The following STAMBPL1 variants were observed in gnomAD, a reference collection of about 807,000 sequenced individuals.
STAMBPL1 encodes AMSH-like protease.
A neutral mutation model predicts 52.9 loss-of-function variants in STAMBPL1; 44 were observed. That is an observed-to-expected ratio of 0.83 (90% CI 0.65 to 1.07). The LOEUF (loss-of-function observed/expected upper bound fraction) is 1.07. Among genes scored for constraint, STAMBPL1 ranks in the 50% least tolerant of loss-of-function variants. The pLI, the probability that STAMBPL1 is intolerant of heterozygous loss-of-function variation, is 0.00. For missense variants in STAMBPL1, 511 were observed against 520.8 expected (o/e 0.98, Z 0.18); for synonymous variants, 164 against 177.3 (o/e 0.92, Z 0.60).
At chr10:88,896,087 C>T (rs1212493743) in intron 1 of STAMBPL1, among the ~76,000 whole-genome samples, 1 of 152,050 alleles carries the variant, frequency 6.6e-6, no homozygotes, top group Non-Finnish European at 1.5e-5. Flanking sequence ...ATATATAGTA[C>T]TTACAAATAT....
At chr10:88,896,629 A>G (rs750742915) in intron 1 of STAMBPL1, among the ~76,000 whole-genome samples, 3 of 152,166 alleles carry the variant, frequency 2.0e-5, no homozygotes, top group Non-Finnish European at 4.4e-5. Flanking sequence ...GGCCACACCT[A>G]CTTATCCAGG....
At chr10:88,882,043 A>G (rs1844418573) in intron 1 of STAMBPL1, 1 of 152,214 alleles carries the variant, frequency 6.6e-6, no homozygotes, top group South Asian at 2.1e-4. Context: ...GCCACTAAGA[A>G]TCTGCTTTTG....
chr10:88,914,792 C>T, intron 7 of STAMBPL1, 134 bp downstream of exon 7: 1 of 317,460 alleles, frequency 3.1e-6, no homozygotes, highest in African/African-American at 2.2e-5. Context: ...ATTAACGTTA[C>T]ACAGATTAAC....
At chr10:88,916,535 C>A in intron 7 of STAMBPL1, 145 bp from the exon 8 acceptor site, 11 of 312,684 alleles carry the variant, frequency 3.5e-5, no homozygotes, top group East Asian at 7.0e-5. Flanking sequence ...TGTCCAGGTA[C>A]AGGGAGGGAT....
At chr10:88,896,736 G>T (rs1443538601) in intron 1 of STAMBPL1, among the ~76,000 whole-genome samples, 1 of 152,110 alleles carries the variant, frequency 6.6e-6, no homozygotes, top group African/African-American at 2.4e-5. Flanking sequence ...AGTCTCTTAG[G>T]AGACCGTTCA....
intron 5 of STAMBPL1, chr10:88,912,782 A>G (rs1845259984): frequency 4.3e-6 from 1 of 233,236 alleles, no homozygotes; most frequent in Non-Finnish European, 8.3e-6. Context: ...TTTGTTTCAT[A>G]TGGTCTTGTT....
chr10:88,913,510 C>T (rs1430922454), intron 6 of STAMBPL1, 52 bp downstream of exon 6: 4 of 1,468,564 alleles, frequency 2.7e-6, no homozygotes, highest in Admixed American at 1.9e-5. Context: ...CGGATGGAAC[C>T]ATATTTCTAT....
chr10:88,916,546 G>T, intron 7 of STAMBPL1, 134 bp from the exon 8 acceptor site: 2 of 436,518 alleles, frequency 4.6e-6, no homozygotes, highest in Non-Finnish European at 7.1e-6. Flanking sequence ...AGGGAGGGAT[G>T]ATGTAAGTGG....
At chr10:88,892,336 CTGTG>C (rs1258362261) in intron 1 of STAMBPL1, among the ~76,000 whole-genome samples, 1 of 139,534 alleles carries the variant, frequency 7.2e-6, no homozygotes, top group East Asian at 2.4e-4. Context: ...GTGTATGTGT[CTGTG>C]TGTGTGCGTG....
intron 1 of STAMBPL1, among the ~76,000 whole-genome samples, chr10:88,898,511 A>AG (rs1844866708): frequency 6.6e-6 from 1 of 152,234 alleles, no homozygotes; most frequent in Non-Finnish European, 1.5e-5. Flanking sequence ...GAATTAAGAC[A>AG]GGACCATCAG....
intron 1 of STAMBPL1, chr10:88,882,601 G>C (rs1844433798): frequency 6.6e-6 from 1 of 152,230 alleles, no homozygotes; most frequent in Admixed American, 6.5e-5. Context: ...ATTCCGTCCA[G>C]GAAGTGCTAG....
chr10:88,901,720 T>A lies in STAMBPL1; in HGVS notation c.12T>A (p.Pro4=). The A allele has an allele frequency of 6.2e-7, 1 of 1,611,968 alleles. No individual in the cohort carries two copies. ...ACAGATAAGACAACATGGATCAGCC[T>A]TTTACTGTGAATTCTCTGGTAGGTC... MDQ[P]FTVNSLKKLA... is the part of the protein sequence containing the mutation. The change falls in exon 2 of 11, where the codon CCT becomes CCA. Residue 4 remains proline, a synonymous_variant. Transcript: ENST00000371926.
At chr10:88,910,660 G>A (rs1845197446) in intron 4 of STAMBPL1, among the ~76,000 whole-genome samples, 1 of 152,154 alleles carries the variant, frequency 6.6e-6, no homozygotes, top group Non-Finnish European at 1.5e-5. Context: ...ACATTTTATA[G>A]CATTGGGCTA....
chr10:88,911,592 A>G (rs1845226247), intron 5 of STAMBPL1, among the ~76,000 whole-genome samples: 1 of 152,156 alleles, frequency 6.6e-6, no homozygotes, highest in Admixed American at 6.5e-5. Flanking sequence ...CAGTGAATGT[A>G]TGGGATACTC....
intron 6 of STAMBPL1, 55 bp from the exon 7 acceptor site, chr10:88,914,478 GA>G: frequency 7.4e-7 from 1 of 1,342,536 alleles, no homozygotes; most frequent in Non-Finnish European, 9.7e-7. Flanking sequence ...TAACAATTTT[GA>G]AAGATGGGAC....
At chr10:88,912,941 C>CT (rs1233106935) in intron 5 of STAMBPL1, 160 bp from the exon 6 acceptor site, 1 of 690,164 alleles carries the variant, frequency 1.4e-6, no homozygotes, top group Non-Finnish European at 2.5e-6. Context: ...GGCTTTTGCC[C>CT]TGATGTTATG....
At chr10:88,882,801 G>T (rs1011493963) in intron 1 of STAMBPL1, 1 of 152,162 alleles carries the variant, frequency 6.6e-6, no homozygotes, top group African/African-American at 2.4e-5. Flanking sequence ...ATTCCTTAGG[G>T]CTGATGCATA....
In STAMBPL1 at chr10:88,887,284, G is replaced by A. The variant is rs552331036; in HGVS notation, c.-54+6646G>A. 4.6e-5 allele frequency among the ~76,000 whole-genome samples: 7 copies of A among 152,126 alleles called. No individual in the cohort carries two copies. The South Asian group carries it at 8.3e-4, about 18-fold the overall frequency. On this transcript the variant is annotated intron_variant, in intron 1 of 10. Coordinates refer to ENST00000371926, the MANE Select transcript of STAMBPL1 (RefSeq NM_020799.4). ...GAAAATCACTCAAAATCATTGGTGG[G>A]TGTAGAACTTTGTTTTTTTTCAATT...
intron 5 of STAMBPL1, among the ~76,000 whole-genome samples, chr10:88,911,629 G>A (rs1422654969): frequency 1.3e-5 from 2 of 152,144 alleles, no homozygotes; most frequent in African/African-American, 4.8e-5. Flanking sequence ...CATTATAGAT[G>A]TTATTTTGCT....
Sources: allele counts gnomAD v4.1 joint callset (sites outside exome capture counted in the v4.1 genomes callset), GRCh38; gene constraint gnomAD v4.1.1; transcripts MANE v1.5; gene names NCBI Gene and HGNC (gene_info 2026-07-23, HGNC 2026-07-21).